Variants in BLOC1S5 observed in about 807,000 individuals in gnomAD.
BLOC1S5 encodes biogenesis of lysosomal organelles complex 1 subunit 5.
Under a neutral mutation model 24.3 loss-of-function variants are expected in BLOC1S5, and 27 were observed. The ratio of observed to expected loss-of-function variants is 1.11; its 90% CI spans 0.82 to 1.53. The LOEUF is 1.53. BLOC1S5 is among the 40% of genes most tolerant of loss of function. BLOC1S5 has a pLI of 0.00. For synonymous variants in BLOC1S5, 84 were observed against 74.5 expected (o/e 1.13, Z -0.66); for missense variants, 239 against 229.4 (o/e 1.04, Z -0.27).
intron 4 of BLOC1S5, among the ~76,000 whole-genome samples, chr6:8,016,048 G>T (rs1762721540): frequency 1.3e-5 from 2 of 152,194 alleles, no homozygotes; most frequent in Admixed American, 6.5e-5. Context: ...AAAGTGGGCT[G>T]GGCACAGTGG....
intron 3 of BLOC1S5, among the ~76,000 whole-genome samples, chr6:8,030,292 T>C (rs1444919248): frequency 2.6e-5 from 4 of 151,928 alleles, no homozygotes; most frequent in African/African-American, 9.7e-5. Flanking sequence ...CCTGAGTAGA[T>C]GGGACTACAG....
chr6:8,017,385 A>AACACACAC (rs59166291), intron 4 of BLOC1S5, among the ~76,000 whole-genome samples: 205 of 149,578 alleles, frequency 1.4e-3, no homozygotes, highest in Non-Finnish European at 1.4e-3. Flanking sequence ...CTCAAAAACA[A>AACACACAC]ACACACACAC....
intron 4 of BLOC1S5, among the ~76,000 whole-genome samples, chr6:8,023,052 G>C (rs1445314918): frequency 6.6e-6 from 1 of 152,132 alleles, no homozygotes; most frequent in East Asian, 1.9e-4. Flanking sequence ...GGCTTCAAAA[G>C]TTGACACCAC....
chr6:8,023,814 GTGCGTGCACATGTGTA>G (rs1198151045), intron 4 of BLOC1S5, among the ~76,000 whole-genome samples: 1 of 152,028 alleles, frequency 6.6e-6, no homozygotes, highest in African/African-American at 2.4e-5. Flanking sequence ...ATACGTGTGT[GTGCGTGCACATGTGTA>G]TATGTGCACA....
chr6:8,017,905 T>C (rs1051890271), intron 4 of BLOC1S5: 1 of 152,210 alleles, frequency 6.6e-6, no homozygotes, highest in Non-Finnish European at 1.5e-5. Context: ...TAGCTAAAAA[T>C]CCCTTTCACA....
At chr6:8,026,501 G>A in intron 3 of BLOC1S5, 76 bp from the exon 4 acceptor site, 5 of 1,155,160 alleles carry the variant, frequency 4.3e-6, no homozygotes, top group Admixed American at 3.6e-5. Context: ...AGGAGTGTGT[G>A]TGGAGAGTAC....
At position 8,041,420 on chromosome 6, in the gene BLOC1S5, C is replaced by T. The variant is rs543644253; in HGVS notation, c.196-152G>A. On this transcript the variant is annotated intron_variant, in intron 2 of 4. Coordinates refer to ENST00000397457, the MANE Select transcript of BLOC1S5 (RefSeq NM_201280.3). Reference sequence around the variant, plus strand: ...CTCCGCCTCCTGGGTTCAAGTGAGTCTCCTGCCTCAGCCTCCCAAGTAGCT... The same window carrying T: ...CTCCGCCTCCTGGGTTCAAGTGAGTTTCCTGCCTCAGCCTCCCAAGTAGCT... The T allele has an allele frequency of 5.8e-5, 40 of 688,642 alleles. 1 individual carries two copies. The East Asian group carries it at 1.2e-3, about 21-fold the overall frequency. 42.7% of individuals were successfully genotyped at this position (688,642 alleles called of 1,614,324 possible). A position where few individuals can be genotyped will look rare whatever the true frequency, so the allele number is the denominator to read the frequency against.
At chr6:8,054,180 T>G (rs2743993) in intron 2 of BLOC1S5, 1 of 398,050 alleles carries the variant, frequency 2.5e-6, no homozygotes, top group Non-Finnish European at 4.9e-6. Context: ...CCCTCCTTTT[T>G]GGGATCCAAT....
chr6:8,042,413 G>A (rs965696432), intron 2 of BLOC1S5, among the ~76,000 whole-genome samples: 1 of 152,182 alleles, frequency 6.6e-6, no homozygotes, highest in Non-Finnish European at 1.5e-5. Flanking sequence ...CTCCTCATAA[G>A]GTTGGCCCTG....
chr6:8,051,083 G>A (rs1764090846), intron 2 of BLOC1S5, among the ~76,000 whole-genome samples: 1 of 151,860 alleles, frequency 6.6e-6, no homozygotes, highest in African/African-American at 2.4e-5. Flanking sequence ...AGCTACTCAG[G>A]AGGCTGAGGC....
intron 2 of BLOC1S5, among the ~76,000 whole-genome samples, chr6:8,053,410 ATCAG>A (rs1331665377): frequency 5.3e-5 from 8 of 152,202 alleles, no homozygotes; most frequent in Non-Finnish European, 1.2e-4. Flanking sequence ...CACCACCCTG[ATCAG>A]TCAGTCAGCA....
chr6:8,047,310 C>A (rs905859654), intron 2 of BLOC1S5, among the ~76,000 whole-genome samples: 5 of 151,874 alleles, frequency 3.3e-5, no homozygotes, highest in Non-Finnish European at 7.4e-5. Flanking sequence ...CTGGCTCAAG[C>A]AATCCTCCTA....
intron 3 of BLOC1S5, among the ~76,000 whole-genome samples, chr6:8,030,417 CA>C (rs200131766): frequency 0.039 from 5,904 of 151,878 alleles, 365 homozygotes; most frequent in African/African-American, 0.13. Context: ...CTCGGCCTCC[CA>C]AAGTGCTGGG....
At position 8,026,435 on chromosome 6, in the gene BLOC1S5, A is replaced by G; in HGVS notation, c.326-10T>C. 6.2e-7 allele frequency: 1 copy of G among 1,612,488 alleles called. No homozygotes were observed. Among genetic ancestry groups the G allele is most frequent in the South Asian group, 1.1e-5 (1 of 91,010 alleles). On this transcript the variant is annotated splice_polypyrimidine_tract_variant and intron_variant, in intron 3 of 4. Coordinates refer to ENST00000397457, the MANE Select transcript of BLOC1S5 (RefSeq NM_201280.3). ...TCATTAGCTGCTTGCACTGAAATGA[A>G]AAAGACATGGGTTTTCAGTCAGCAG...
rs938778610 is a variant in BLOC1S5, at chr6:8,013,700, G to C, written c.*1949C>G. The C allele has an allele frequency of 6.6e-6, 1 of 152,166 alleles. No homozygotes were observed. Among genetic ancestry groups the C allele is most frequent in the African/African-American group, 2.4e-5 (1 of 41,450 alleles). 9.4% of individuals were successfully genotyped at this position (152,166 alleles called of 1,614,324 possible). On this transcript the variant is annotated 3_prime_UTR_variant, in exon 5 of 5. Coordinates refer to ENST00000397457, the MANE Select transcript of BLOC1S5 (RefSeq NM_201280.3). ...TCTTAATTTCTTGGTTACAGCATTC[G>C]TTCAATGATGTGTTGGCAATTAATC...
At chr6:8,052,233 C>T (rs892614385) in intron 2 of BLOC1S5, among the ~76,000 whole-genome samples, 1 of 152,130 alleles carries the variant, frequency 6.6e-6, no homozygotes, top group Non-Finnish European at 1.5e-5. Context: ...TCCCAAAGTG[C>T]TGGGATTACA....
At chr6:8,028,814 C>G (rs574282916) in intron 3 of BLOC1S5, among the ~76,000 whole-genome samples, 2 of 152,234 alleles carry the variant, frequency 1.3e-5, no homozygotes, top group South Asian at 4.1e-4. Flanking sequence ...AATCACCAGA[C>G]TGCACCAAAC....
chr6:8,064,396 C>T, upstream of BLOC1S5: 1 of 1,597,422 alleles, frequency 6.3e-7, no homozygotes. Context: ...TTCCGCCCAC[C>T]CGCGGCCACG....
intron 3 of BLOC1S5, among the ~76,000 whole-genome samples, chr6:8,030,865 C>CAAAAAAAAAAAAAAAAAAA (rs55692261): frequency 3.4e-5 from 4 of 118,548 alleles, no homozygotes; most frequent in African/African-American, 1.3e-4. Flanking sequence ...GACCAACAGT[C>CAAAAAAAAAAAAAAAAAAA]AAAAAAAAAA....
Sources: gnomAD v4.1 joint callset for allele counts (sites outside exome capture counted in the v4.1 genomes callset) on GRCh38, gnomAD v4.1.1 for gene constraint, MANE v1.5 for transcripts, NCBI Gene and HGNC (gene_info 2026-07-23, HGNC 2026-07-21) for gene names.